The following MIA2 variants were observed in gnomAD, a reference collection of about 807,000 sequenced individuals.
MIA2 encodes MIA SH3 domain ER export factor 2, also known as melanoma inhibitory activity protein 2.
Under a neutral mutation model 167.8 loss-of-function variants are expected in MIA2, and 127 were observed. The ratio of observed to expected loss-of-function variants is 0.76; its 90% confidence interval spans 0.66 to 0.88. The LOEUF (loss-of-function observed/expected upper bound fraction) is 0.88. Among genes scored for constraint, MIA2 ranks in the 40% least tolerant of loss-of-function variants. MIA2 has a pLI of 0.00. For missense variants in MIA2, 1,690 were observed against 1,624.7 expected, an observed-to-expected ratio of 1.04 and a Z score of -0.69; for synonymous variants, 552 against 541.9, an observed-to-expected ratio of 1.02 and a Z score of -0.26.
In MIA2 at chr14:39,294,043, C is replaced by CA; in HGVS notation, c.2367dup (p.Ser790IlefsTer8). On this transcript the variant is annotated frameshift_variant, in exon 12 of 29. Coordinates refer to ENST00000640607, the MANE Select transcript of MIA2 (RefSeq NM_001329214.4). LOFTEE classifies it high-confidence loss of function. ...AGGATACAGTCTCTAGAAGATGAGT[C>CA]AAAATCCCTCAAATCACAAGTAGCT... 6.2e-7 allele frequency: 1 copy of CA among 1,611,516 alleles called. No individual in the cohort carries two copies. Among genetic ancestry groups the CA allele is most frequent in the Non-Finnish European group, 8.5e-7 (1 of 1,178,584 alleles).
intron 9 of MIA2, among the ~76,000 whole-genome samples, chr14:39,285,799 C>G (rs1274341095): frequency 2.0e-5 from 3 of 151,468 alleles, no homozygotes; most frequent in Non-Finnish European, 2.9e-5. Context: ...CTCCTCACTT[C>G]TCAGATGGGG....
intron 23 of MIA2, among the ~76,000 whole-genome samples, chr14:39,372,354 A>G (rs116744346): frequency 0.034 from 5,219 of 152,258 alleles, 320 homozygotes; most frequent in African/African-American, 0.12. Context: ...TTCAATTTCA[A>G]TTATTTTAGA....
Position 39,269,864 on chromosome 14 carries a change from A to G in MIA2, c.1888-7070A>G, listed in dbSNP as rs142483051. Among the ~76,000 whole-genome samples, 287 of 152,304 alleles carry G rather than the reference A, an allele frequency of 1.9e-3. 3 individuals are homozygous for G. Among genetic ancestry groups the G allele is most frequent in the South Asian group, 8.9e-3 (43 of 4,822 alleles). On this transcript the variant is annotated intron_variant, in intron 6 of 28. Coordinates refer to ENST00000640607, the MANE Select transcript of MIA2 (RefSeq NM_001329214.4). ...TGAAAAAATATTCCGTTGTGTGACT[A>G]TATCACATTTATGTCATAGTTGATG... is the stretch of plus-strand genomic sequence containing the variant.
intron 6 of MIA2, among the ~76,000 whole-genome samples, chr14:39,261,354 G>A (rs1221632195): frequency 1.3e-5 from 2 of 152,148 alleles, no homozygotes; most frequent in Admixed American, 6.5e-5. Context: ...ATTCCATGGT[G>A]TATATGTGCC....
chr14:39,296,605 CTT>C (rs56677159), intron 13 of MIA2, among the ~76,000 whole-genome samples: 76,178 of 138,528 alleles, frequency 0.55, 22,228 homozygotes, highest in South Asian at 0.67. Flanking sequence ...CTTTTCTTTT[CTT>C]TTTTTTTTTT....
At chr14:39,280,371 C>T (rs1338020797) in intron 9 of MIA2, among the ~76,000 whole-genome samples, 1 of 151,176 alleles carries the variant, frequency 6.6e-6, no homozygotes, top group Non-Finnish European at 1.5e-5. Context: ...ATTTTCATTT[C>T]TCTTCATAAG....
intron 23 of MIA2, among the ~76,000 whole-genome samples, chr14:39,361,947 T>A (rs1316723329): frequency 2.6e-5 from 4 of 152,214 alleles, no homozygotes; most frequent in South Asian, 2.1e-4. Context: ...ATTGAGATGA[T>A]CTGTTTTTTG....
chr14:39,329,123 G>T (rs2068219802), intron 25 of MIA2, among the ~76,000 whole-genome samples: 1 of 151,288 alleles, frequency 6.6e-6, no homozygotes, highest in South Asian at 2.1e-4. Context: ...TCTTTTGTTT[G>T]TGTCCTCTCT....
Position 39,350,250 on chromosome 14 carries a change from C to T in MIA2, c.4225C>T (p.Gln1409Ter). The T allele has an allele frequency of 6.8e-7, 1 of 1,474,234 alleles. No individual in the cohort carries two copies. The highest frequency in any genetic ancestry group is 9.0e-7 in the Non-Finnish European group (1 of 1,109,608). The allele number at this position is 1,474,234 out of a possible 1,614,324, so 91.3% of individuals were successfully genotyped here. A position where few individuals can be genotyped will look rare whatever the true frequency, so the allele number is the denominator to read the frequency against. ...NEPATEHPEPQQET is the reference protein window; with the variant it reads ...NEPATEHPEP ...GCCTGCTACTGAACATCCAGAACCA[C>T]AGCAAGAAACCTGACAATATTTTTG... Residue 1409 changes from glutamine to a stop codon, truncating the protein, a stop_gained, in exon 29 of 29, where the codon CAG becomes TAG. Coordinates refer to ENST00000640607, the MANE Select transcript of MIA2 (RefSeq NM_001329214.4). LOFTEE classifies it high-confidence loss of function.
chr14:39,331,029 G>A (rs145536464), intron 25 of MIA2, among the ~76,000 whole-genome samples: 280 of 152,218 alleles, frequency 1.8e-3, no homozygotes, highest in African/African-American at 6.0e-3. Flanking sequence ...TTTCTGTCTC[G>A]TTGATCTGTC....
intron 17 of MIA2, among the ~76,000 whole-genome samples, chr14:39,307,387 AGAATTTTTTTTTTTTTT>A (rs1441422563): frequency 7.2e-6 from 1 of 139,754 alleles, no homozygotes; most frequent in Non-Finnish European, 1.5e-5. Context: ...AAAAGTTAAA[AGAATTTTTTTTTTTTTT>A]TTTTTTTTTT....
In MIA2 at chr14:39,361,541, C is replaced by T. The variant is rs543612187; in HGVS notation, c.2248+12564C>T. ...GCAACTTCCGCCTCCCGGGTTCAAG[C>T]GATTCTCCTGCCTCAGCCTTGTGAG... is the stretch of plus-strand genomic sequence containing the variant. On this transcript the variant is annotated intron_variant, in intron 23 of 23. Coordinates refer to the MIA2 transcript ENST00000341502. Among the ~76,000 whole-genome samples, 34 of 151,598 alleles carry T rather than the reference C, an allele frequency of 2.2e-4. No homozygotes were observed. In the South Asian group the frequency reaches 6.5e-3, roughly 29 times the overall value.
At chr14:39,261,506 G>C (rs1237986281) in intron 6 of MIA2, among the ~76,000 whole-genome samples, 1 of 152,164 alleles carries the variant, frequency 6.6e-6, no homozygotes, top group African/African-American at 2.4e-5. Context: ...TATATACCCA[G>C]TAATAGGATG....
At chr14:39,238,467 C>G (rs2053870973) in intron 2 of MIA2, among the ~76,000 whole-genome samples, 1 of 152,104 alleles carries the variant, frequency 6.6e-6, no homozygotes, top group Non-Finnish European at 1.5e-5. Context: ...GCCACTATGC[C>G]CGGCCCTAGG....
intron 19 of MIA2, 107 bp from the exon 20 acceptor site, chr14:39,314,632 T>TTAATTATA: frequency 2.7e-6 from 1 of 372,216 alleles, no homozygotes; most frequent in East Asian, 5.0e-5. Context: ...TTTTTTTTCA[T>TTAATTATA]GAAGTAGAGC....
chr14:39,386,023 G>T lies in MIA2; in HGVS notation c.2249-862G>T. 3.0e-6 allele frequency: 3 copies of T among 1,012,410 alleles called. No individual in the cohort carries two copies. In the South Asian group the frequency reaches 4.2e-5, roughly 14 times the overall value. 62.7% of individuals were successfully genotyped at this position (1,012,410 alleles called of 1,614,324 possible). A position where few individuals can be genotyped will look rare whatever the true frequency, so the allele number is the denominator to read the frequency against. ...TCCAGCAGCACCTACAGTCTGTCAT[G>T]ACAACTCTGGGCCCGGACAACCTCT... On this transcript the variant is annotated intron_variant, in intron 23 of 23. Coordinates refer to the MIA2 transcript ENST00000341502.
At chr14:39,244,351 T>A (rs2054193742) in intron 3 of MIA2, among the ~76,000 whole-genome samples, 4 of 152,206 alleles carry the variant, frequency 2.6e-5, no homozygotes, top group Admixed American at 2.0e-4. Context: ...TTGCTTCTGA[T>A]GCCTTCATTT....
intron 6 of MIA2, among the ~76,000 whole-genome samples, chr14:39,254,636 A>T (rs1179108246): frequency 6.6e-6 from 1 of 152,228 alleles, no homozygotes; most frequent in African/African-American, 2.4e-5. Flanking sequence ...GGATAAAGGT[A>T]CTACTTGCCT....
At chr14:39,254,622 TA>T (rs1180441097) in intron 6 of MIA2, among the ~76,000 whole-genome samples, 1 of 152,206 alleles carries the variant, frequency 6.6e-6, no homozygotes, top group African/African-American at 2.4e-5. Context: ...ATGCGCTGTC[TA>T]AAGGATAAAG....
Sources: gnomAD v4.1 joint callset for allele counts (sites outside exome capture counted in the v4.1 genomes callset) on GRCh38, gnomAD v4.1.1 for gene constraint, MANE v1.5 for transcripts, NCBI Gene and HGNC (gene_info 2026-07-23, HGNC 2026-07-21) for gene names.